RAB5A: variants seen among roughly 807,000 people sequenced by gnomAD.
The protein encoded by RAB5A is RAB5A, member RAS oncogene family.
Under a neutral mutation model 25.7 loss-of-function variants are expected in RAB5A, and 8 were observed. That is an observed-to-expected ratio of 0.31 (90% CI 0.18 to 0.56). The LOEUF is 0.56. Ranked by LOEUF, RAB5A falls within the 20% of genes least tolerant of loss-of-function variation. The probability of loss-of-function intolerance (pLI) is 0.91; values close to 1 mark genes in which losing one functional copy is unlikely to be tolerated. For synonymous variants in RAB5A, 98 were observed against 89.8 expected, an observed-to-expected ratio of 1.09 and a Z score of -0.52; for missense variants, 192 against 259.7, an observed-to-expected ratio of 0.74 and a Z score of 1.79.
At chr3:19,983,123 G>A (rs1204910599) in intron 5 of RAB5A, among the ~76,000 whole-genome samples, 1 of 152,102 alleles carries the variant, frequency 6.6e-6, no homozygotes, top group African/African-American at 2.4e-5. Flanking sequence ...GATCACCTGA[G>A]GTCAGGAGTT....
chr3:19,985,062 G>C lies in RAB5A; in HGVS notation c.*1239G>C, dbSNP rs546473343. The C allele has an allele frequency of 4.9e-5, 12 of 246,674 alleles. No individual in the cohort carries two copies. In the South Asian group the frequency reaches 9.8e-4, roughly 20 times the overall value. 15.3% of individuals were successfully genotyped at this position (246,674 alleles called of 1,614,324 possible). On this transcript the variant is annotated 3_prime_UTR_variant, in exon 6 of 6. Transcript: ENST00000273047. ...AGATGATTTAATCTATTTAAGTGTTGGACTGCTAGGAGAACTTGTACATTT... is the reference window on the plus strand; with the variant it reads ...AGATGATTTAATCTATTTAAGTGTTCGACTGCTAGGAGAACTTGTACATTT...
At position 19,957,663 on chromosome 3, in the gene RAB5A, G is replaced by A. The variant is rs139410374; in HGVS notation, c.163+6602G>A. Reference sequence around the variant, plus strand: ...GAGCAACAGAGTGAGACTCTGTCGCGGAGGTTGCAGTGAGCTGAGATAGCA... The same window carrying A: ...GAGCAACAGAGTGAGACTCTGTCGCAGAGGTTGCAGTGAGCTGAGATAGCA... On this transcript the variant is annotated intron_variant, in intron 2 of 5. Transcript: ENST00000273047. 6.4e-3 allele frequency among the ~76,000 whole-genome samples: 963 copies of A among 150,910 alleles called. 10 individuals carry two copies. Among genetic ancestry groups the A allele is most frequent in the African/African-American group, 0.021 (864 of 41,056 alleles).
intron 2 of RAB5A, among the ~76,000 whole-genome samples, chr3:19,958,711 T>C (rs1324662391): frequency 6.6e-6 from 1 of 152,130 alleles, no homozygotes; most frequent in Admixed American, 6.6e-5. Context: ...GGGCGTGGTG[T>C]CATGTGCCTG....
chr3:19,969,625 G>T (rs1195009714), intron 2 of RAB5A, among the ~76,000 whole-genome samples: 1 of 152,140 alleles, frequency 6.6e-6, no homozygotes, highest in Non-Finnish European at 1.5e-5. Context: ...ATATTTTTGT[G>T]TAATCAAATC....
At chr3:19,956,458 A>G (rs1312780433) in intron 2 of RAB5A, among the ~76,000 whole-genome samples, 1 of 152,214 alleles carries the variant, frequency 6.6e-6, no homozygotes, top group African/African-American at 2.4e-5. Flanking sequence ...CGTCTCAAAA[A>G]AAAGGAAATT....
intron 5 of RAB5A, among the ~76,000 whole-genome samples, chr3:19,979,579 CT>C (rs1181801485): frequency 6.6e-6 from 1 of 152,190 alleles, no homozygotes; most frequent in African/African-American, 2.4e-5. Context: ...GCCACTGCCC[CT>C]GGCCCTAAGG....
chr3:19,974,772 C>G (rs1279851501), intron 2 of RAB5A, among the ~76,000 whole-genome samples: 1 of 149,776 alleles, frequency 6.7e-6, no homozygotes, highest in Non-Finnish European at 1.5e-5. Context: ...TTGGTGGTAA[C>G]TGACTGGGAC....
intron 2 of RAB5A, among the ~76,000 whole-genome samples, chr3:19,951,702 T>TTTTTTTTTTTG (rs1553638056): frequency 3.5e-5 from 2 of 57,380 alleles, no homozygotes; most frequent in East Asian, 6.4e-4. Flanking sequence ...GCCAGGCAAG[T>TTTTTTTTTTTG]TTTTTTTTTT....
chr3:19,969,044 G>GTTTTTTT lies in RAB5A; in HGVS notation c.164-6557_164-6556insTTTTTTT, dbSNP rs746635502. Among the ~76,000 whole-genome samples the GTTTTTTT allele has an allele frequency of 1.2e-4, 8 of 65,550 alleles. 1 individual carries two copies. Among genetic ancestry groups the GTTTTTTT allele is most frequent in the Admixed American group, 1.6e-4 (1 of 6,304 alleles). 43.0% of individuals were successfully genotyped at this position (65,550 alleles called of 152,430 possible). A position where few individuals can be genotyped will look rare whatever the true frequency, so the allele number is the denominator to read the frequency against. ...TTTTTGGTTTTGGTTTTTTTTTTTT[G>GTTTTTTT]GTTTTTTTTTTTTTTTTGAGATGGA... On this transcript the variant is annotated intron_variant, in intron 2 of 5. Coordinates refer to ENST00000273047, the MANE Select transcript of RAB5A (RefSeq NM_004162.5).
At chr3:19,975,443 T>C (rs1357211573) in intron 2 of RAB5A, 158 bp from the exon 3 acceptor site, 2 of 619,050 alleles carry the variant, frequency 3.2e-6, no homozygotes, top group African/African-American at 1.9e-5. Flanking sequence ...TTCTTTTTTT[T>C]TCCCCCCTCA....
chr3:19,978,155 T>C (rs529561952), intron 4 of RAB5A, among the ~76,000 whole-genome samples, 155 bp from the exon 5 acceptor site: 8 of 152,370 alleles, frequency 5.3e-5, no homozygotes, highest in African/African-American at 1.9e-4. Context: ...CTCTTACCTC[T>C]GTTGTAGCTT....
intron 1 of RAB5A, among the ~76,000 whole-genome samples, chr3:19,948,169 G>A (rs1696358718): frequency 6.6e-6 from 1 of 152,178 alleles, no homozygotes. Flanking sequence ...AGAGACCATG[G>A]AACTTGCTCT....
chr3:19,956,119 C>T (rs1000336497), intron 2 of RAB5A, among the ~76,000 whole-genome samples: 1 of 152,174 alleles, frequency 6.6e-6, no homozygotes, highest in Non-Finnish European at 1.5e-5. Context: ...ACCACTGCTG[C>T]TCTCCTTTCT....
At chr3:19,963,360 T>A (rs1696615375) in intron 2 of RAB5A, among the ~76,000 whole-genome samples, 1 of 69,682 alleles carries the variant, frequency 1.4e-5, no homozygotes, top group Admixed American at 1.5e-4. Flanking sequence ...TATCTTAGAA[T>A]TTCACCCCCC....
intron 2 of RAB5A, 34 bp downstream of exon 2, chr3:19,951,095 C>G: frequency 6.2e-7 from 1 of 1,601,762 alleles, no homozygotes; most frequent in South Asian, 1.1e-5. Flanking sequence ...TTCATTTAAT[C>G]GAATCATACA....
chr3:19,962,469 T>A (rs1333091750), intron 2 of RAB5A, among the ~76,000 whole-genome samples: 1 of 151,886 alleles, frequency 6.6e-6, no homozygotes, highest in Non-Finnish European at 1.5e-5. Flanking sequence ...TCGGGAAGGC[T>A]GAGGCAAGAG....
chr3:19,981,705 C>A (rs188001364), intron 5 of RAB5A, among the ~76,000 whole-genome samples: 19 of 152,072 alleles, frequency 1.2e-4, no homozygotes, highest in Non-Finnish European at 4.4e-5. Context: ...ATCTGTATAT[C>A]CAGCAGGTAA....
chr3:19,957,556 G>A (rs1039224766), intron 2 of RAB5A, among the ~76,000 whole-genome samples: 4 of 151,532 alleles, frequency 2.6e-5, no homozygotes, highest in Admixed American at 6.6e-5. Flanking sequence ...CCAGCTACTC[G>A]GGAGGCTGAG....
chr3:19,964,753 AGGC>A (rs1696636942), intron 2 of RAB5A, among the ~76,000 whole-genome samples: 1 of 152,134 alleles, frequency 6.6e-6, no homozygotes, highest in African/African-American at 2.4e-5. Flanking sequence ...CTGGGACTAC[AGGC>A]GCATGTCACC....
Sources: allele counts gnomAD v4.1 joint callset (sites outside exome capture counted in the v4.1 genomes callset), GRCh38; gene constraint gnomAD v4.1.1; transcripts MANE v1.5; gene names NCBI Gene and HGNC (gene_info 2026-07-23, HGNC 2026-07-21).